Variants in SLC66A2 observed in about 807,000 individuals in gnomAD.
The protein encoded by SLC66A2 is PQ loop repeat containing 1.
A neutral mutation model predicts 25.5 loss-of-function variants in SLC66A2; 23 were observed. The ratio of observed to expected loss-of-function variants is 0.90; its 90% CI spans 0.65 to 1.28. SLC66A2 has a LOEUF of 1.28. Ranked by LOEUF, SLC66A2 falls within the 50% of genes most tolerant of loss-of-function variation. SLC66A2 has a pLI of 0.00. For missense variants in SLC66A2, 396 were observed against 373.1 expected (o/e 1.06, Z -0.51); for synonymous variants, 193 against 166.5 (o/e 1.16, Z -1.23).
intron 2 of SLC66A2, among the ~76,000 whole-genome samples, chr18:79,947,865 G>A (rs1190937743): frequency 1.3e-5 from 2 of 152,132 alleles, no homozygotes; most frequent in South Asian, 2.1e-4. Flanking sequence ...GAAACAGAAG[G>A]GGTCATCATC....
At chr18:79,947,832 G>A (rs918058214) in intron 2 of SLC66A2, among the ~76,000 whole-genome samples, 46 of 152,074 alleles carry the variant, frequency 3.0e-4, no homozygotes, top group Non-Finnish European at 6.3e-4. Flanking sequence ...AGGAGTGGGG[G>A]GTCACAAGAG....
rs756244013 is a variant in SLC66A2, at chr18:79,904,142, T to C, written c.650A>G (p.Lys217Arg). Reference sequence around the variant, plus strand: ...ACCCTTCAGCAGGAAGTAGGCCGTCTTGAAGGCGTCACCACTGGTCCACAT... The same window carrying C: ...ACCCTTCAGCAGGAAGTAGGCCGTCCTGAAGGCGTCACCACTGGTCCACAT... ...VLMWTSGDAF[K>R]TAYFLLKGAP... The change falls in exon 6 of 6, where the codon AAG becomes AGG. Residue 217 changes from lysine to arginine, a missense_variant. Transcript: ENST00000397778. The surrounding 1 kb of genome is among the most constrained non-coding windows in gnomAD (Gnocchi z 6.3). 1 of 1,612,984 alleles carries C rather than the reference T, an allele frequency of 6.2e-7. No homozygotes were observed. The highest frequency in any genetic ancestry group is 8.5e-7 in the Non-Finnish European group (1 of 1,179,804).
Position 79,941,413 on chromosome 18 carries a change from G to C in SLC66A2, c.337+1916C>G, listed in dbSNP as rs532800490. On this transcript the variant is annotated intron_variant, in intron 3 of 5. Transcript: ENST00000397778. This position sits in a 1 kb window ranked among gnomAD's most constrained non-coding sequence, Gnocchi z 4.1. The stretch of plus-strand genomic sequence containing the variant: ...GGCACGTCACAGGTTCCCAGGATCA[G>C]GGCACGGACGTCTCCAGGGGCCATT... The C allele has an allele frequency of 2.0e-5, 3 of 152,270 alleles. No individual in the cohort carries two copies. Among genetic ancestry groups the C allele is most frequent in the Non-Finnish European group, 4.4e-5 (3 of 68,098 alleles). The allele number at this position is 152,270 out of a possible 1,614,324, so 9.4% of individuals were successfully genotyped here.
intron 5 of SLC66A2, 27 bp downstream of exon 5, chr18:79,919,157 G>A: frequency 6.3e-7 from 1 of 1,598,802 alleles, no homozygotes; most frequent in Non-Finnish European, 8.6e-7. Context: ...GAGCAGTGGT[G>A]CTTCCGTGGC....
At chr18:79,949,670 A>G (rs2051051857) in intron 2 of SLC66A2, 1 of 152,402 alleles carries the variant, frequency 6.6e-6, no homozygotes, top group African/African-American at 2.4e-5. Context: ...CTCAAAAAAA[A>G]ACAAAACAAA....
chr18:79,942,276 C>A (rs1196444046), intron 3 of SLC66A2, among the ~76,000 whole-genome samples: 1 of 152,202 alleles, frequency 6.6e-6, no homozygotes, highest in Non-Finnish European at 1.5e-5. Context: ...GGAGAAAGAA[C>A]AGAACACCGC....
In SLC66A2 at chr18:79,918,419, C is replaced by CTG. The variant is rs1358375159; in HGVS notation, c.608+764_608+765insCA. 8.9e-5 allele frequency among the ~76,000 whole-genome samples: 6 copies of CTG among 67,586 alleles called. No homozygotes were observed. Among genetic ancestry groups the CTG allele is most frequent in the Non-Finnish European group, 2.5e-4 (6 of 23,708 alleles). The allele number at this position is 67,586 out of a possible 152,430, so 44.3% of individuals were successfully genotyped here. ...GGCGGATCCCCAGTGAGGAGCGGGC[C>CTG]CGGGGGGGGGTCCCCAGTGAGGAGC... is the stretch of plus-strand genomic sequence containing the variant. On this transcript the variant is annotated intron_variant, in intron 5 of 5. Coordinates refer to ENST00000397778, the MANE Select transcript of SLC66A2 (RefSeq NM_025078.5). The surrounding 1 kb of genome is among the most constrained non-coding windows in gnomAD (Gnocchi z 4.0).
chr18:79,943,517 T>G (rs1987891526), intron 2 of SLC66A2, 55 bp from the exon 3 acceptor site: 9 of 1,585,968 alleles, frequency 5.7e-6, no homozygotes, highest in East Asian at 4.5e-5. Flanking sequence ...CTTCTCCCAG[T>G]CCCGAACCTG....
At position 79,937,673 on chromosome 18, in the gene SLC66A2, C is replaced by T. The variant is rs1461009393; in HGVS notation, c.338-3651G>A. 3.3e-5 allele frequency among the ~76,000 whole-genome samples: 5 copies of T among 152,146 alleles called. No individual in the cohort carries two copies. The highest frequency in any genetic ancestry group is 6.5e-5 in the Admixed American group (1 of 15,276). On this transcript the variant is annotated intron_variant, in intron 3 of 5. Coordinates refer to ENST00000397778, the MANE Select transcript of SLC66A2 (RefSeq NM_025078.5). This position sits in a 1 kb window ranked among gnomAD's most constrained non-coding sequence, Gnocchi z 5.4. ...ACCACACGCACCTCCGACGGAACGACGCAACCATCCTGCGAAACACAAGAA... is the reference window on the plus strand; with the variant it reads ...ACCACACGCACCTCCGACGGAACGATGCAACCATCCTGCGAAACACAAGAA...
intron 5 of SLC66A2, among the ~76,000 whole-genome samples, chr18:79,905,111 C>T (rs923833031): frequency 1.1e-4 from 16 of 152,218 alleles, no homozygotes; most frequent in Non-Finnish European, 2.1e-4. Context: ...ATCTGCACCC[C>T]CTCCTCTCTC....
At chr18:79,943,712 T>A in intron 2 of SLC66A2, 41 of 370,442 alleles carry the variant, frequency 1.1e-4, no homozygotes, top group Non-Finnish European at 1.1e-4. Context: ...GTCCCAAACC[T>A]GCAGCAGGAA....
chr18:79,946,958 T>A (rs567678981), intron 2 of SLC66A2, among the ~76,000 whole-genome samples: 23 of 152,084 alleles, frequency 1.5e-4, no homozygotes, highest in Non-Finnish European at 2.9e-4. Context: ...GCGAGACTCT[T>A]GTCTAAAAGA....
intron 4 of SLC66A2, among the ~76,000 whole-genome samples, chr18:79,919,904 T>G (rs202239342): frequency 0.15 from 275 of 1,882 alleles, 12 homozygotes; most frequent in East Asian, 0.69. Context: ...AGGAACCGAG[T>G]GAGAGGTCAA....
chr18:79,904,315 A>G lies in SLC66A2; in HGVS notation c.609-132T>C. ...CACCCAGGGGGCTAAGGGGACCCCCAGGCAGTCGGCGGGGAGGCCTGGGGC... is the reference window on the plus strand; with the variant it reads ...CACCCAGGGGGCTAAGGGGACCCCCGGGCAGTCGGCGGGGAGGCCTGGGGC... On this transcript the variant is annotated intron_variant, in intron 5 of 5. Coordinates refer to ENST00000397778, the MANE Select transcript of SLC66A2 (RefSeq NM_025078.5). The surrounding 1 kb of genome is among the most constrained non-coding windows in gnomAD (Gnocchi z 6.3). 8 of 785,108 alleles carry G rather than the reference A, an allele frequency of 1.0e-5. No homozygotes were observed. The highest frequency in any genetic ancestry group is 3.5e-4 in the Middle Eastern group (1 of 2,852). 48.6% of individuals were successfully genotyped at this position (785,108 alleles called of 1,614,324 possible).
At chr18:79,925,469 G>A (rs1297839267) in intron 4 of SLC66A2, among the ~76,000 whole-genome samples, 5 of 152,230 alleles carry the variant, frequency 3.3e-5, no homozygotes, top group Admixed American at 3.3e-4. Context: ...GGCATTCAAT[G>A]CTAAACGAAT....
At chr18:79,925,982 A>G (rs1985904641) in intron 4 of SLC66A2, among the ~76,000 whole-genome samples, 1 of 152,232 alleles carries the variant, frequency 6.6e-6, no homozygotes, top group African/African-American at 2.4e-5. Flanking sequence ...AACAGCTTGC[A>G]GTAAAGAAGC....
At chr18:79,950,017 C>A (rs2051064419) in intron 2 of SLC66A2, among the ~76,000 whole-genome samples, 1 of 152,060 alleles carries the variant, frequency 6.6e-6, no homozygotes, top group African/African-American at 2.4e-5. Context: ...GGGAGAGGAA[C>A]AAGACAGTCT....
At chr18:79,920,275 A>G (rs1441186903) in intron 4 of SLC66A2, among the ~76,000 whole-genome samples, 3 of 9,346 alleles carry the variant, frequency 3.2e-4, no homozygotes, top group African/African-American at 3.5e-4. Flanking sequence ...GAGGAGAGAC[A>G]GGAACCGAGG....
In SLC66A2 at chr18:79,935,801, A is replaced by G. The variant is rs547046611; in HGVS notation, c.338-1779T>C. Among the ~76,000 whole-genome samples, 44 of 151,488 alleles carry G rather than the reference A, an allele frequency of 2.9e-4. 1 individual carries two copies. Among genetic ancestry groups the G allele is most frequent in the South Asian group, 2.1e-3 (10 of 4,796 alleles). On this transcript the variant is annotated intron_variant, in intron 3 of 5. Coordinates refer to ENST00000397778, the MANE Select transcript of SLC66A2 (RefSeq NM_025078.5). ...AGCCATGCCAAAGAGCGAGTGAGGG[A>G]GAGAGAGAGAGAGAGAAAAAGCAAG... is the stretch of plus-strand genomic sequence containing the variant.
Sources: gnomAD v4.1 joint callset for allele counts (sites outside exome capture counted in the v4.1 genomes callset) on GRCh38, gnomAD v4.1.1 for gene constraint, Gnocchi (gnomAD v3.1) non-coding constraint, MANE v1.5 for transcripts, NCBI Gene and HGNC (gene_info 2026-07-23, HGNC 2026-07-21) for gene names.